C3orf33: variants seen among roughly 807,000 people sequenced by gnomAD.
The protein encoded by C3orf33 is mitochondrial inner membrane subdomain organizer 1, also known as AP-1 activity suppressor.
Under a neutral mutation model 28.7 loss-of-function variants are expected in C3orf33, and 23 were observed. The ratio of observed to expected loss-of-function variants is 0.80; its 90% CI spans 0.58 to 1.13. The LOEUF (loss-of-function observed/expected upper bound fraction) is 1.13. Among genes scored for constraint, C3orf33 ranks in the 50% most tolerant of loss-of-function variants. The probability of loss-of-function intolerance (pLI) is 0.00; values close to 1 mark genes in which losing one functional copy is unlikely to be tolerated. For synonymous variants in C3orf33, 119 were observed against 120.5 expected, an observed-to-expected ratio of 0.99 and a Z score of 0.08; for missense variants, 327 against 353.4, an observed-to-expected ratio of 0.93 and a Z score of 0.60.
In C3orf33 at chr3:155,767,523, G is replaced by C. The variant is rs988606922; in HGVS notation, c.469C>G (p.Leu157Val). Residue 157 changes from leucine (L) to valine (V), a missense_variant, in exon 4 of 5, where the codon CTT becomes GTT. By Grantham distance (32) the Leu-to-Val change is conservative. Transcript: ENST00000340171. Reference sequence around the variant, plus strand: ...ACATTGCTTACCTTACTCACCAGAAGATAGCAAAAGAGTGCTGAATTCTCC... The same window carrying C: ...ACATTGCTTACCTTACTCACCAGAACATAGCAAAAGAGTGCTGAATTCTCC... ...GKENSALFCY[L>V]LVSKGGYFSV... 1 of 1,565,296 alleles carries C rather than the reference G, an allele frequency of 6.4e-7. No homozygotes were observed. Among genetic ancestry groups the C allele is most frequent in the Non-Finnish European group, 8.7e-7 (1 of 1,150,012 alleles).
intron 2 of C3orf33, among the ~76,000 whole-genome samples, chr3:155,789,032 A>G (rs1313081329): frequency 6.6e-6 from 1 of 152,142 alleles, no homozygotes; most frequent in African/African-American, 2.4e-5. Context: ...ACAACAAACA[A>G]TCTGAAAAGG....
intron 2 of C3orf33, among the ~76,000 whole-genome samples, chr3:155,791,631 T>C (rs1013009167): frequency 6.6e-6 from 1 of 151,934 alleles, no homozygotes; most frequent in Admixed American, 6.6e-5. Context: ...CTGGCAGCAT[T>C]CACTACAAGC....
intron 2 of C3orf33, among the ~76,000 whole-genome samples, chr3:155,793,787 G>T: frequency 9.1e-6 from 1 of 110,318 alleles, no homozygotes; most frequent in African/African-American, 3.2e-5. Context: ...TCCACCCTGG[G>T]AGACAGAGTG....
At chr3:155,798,961 G>A (rs890809333) in intron 2 of C3orf33, among the ~76,000 whole-genome samples, 1 of 152,088 alleles carries the variant, frequency 6.6e-6, no homozygotes, top group African/African-American at 2.4e-5. Flanking sequence ...AAATGGTCAC[G>A]AGATGTCAAT....
chr3:155,775,254 C>T (rs1750704784), intron 3 of C3orf33, among the ~76,000 whole-genome samples: 1 of 152,096 alleles, frequency 6.6e-6, no homozygotes, highest in Non-Finnish European at 1.5e-5. Flanking sequence ...CTTTTGGAGG[C>T]CGAGGTGGGC....
intron 4 of C3orf33, among the ~76,000 whole-genome samples, chr3:155,765,132 G>A (rs778522308): frequency 9.2e-5 from 14 of 152,178 alleles, no homozygotes; most frequent in African/African-American, 3.4e-4. Context: ...TATGTGTATA[G>A]CATAGTTTGG....
chr3:155,770,190 C>T (rs1412896758), intron 3 of C3orf33, among the ~76,000 whole-genome samples: 1 of 152,150 alleles, frequency 6.6e-6, no homozygotes, highest in East Asian at 1.9e-4. Flanking sequence ...GCCTTGCTCA[C>T]CCACCAGTGA....
intron 3 of C3orf33, among the ~76,000 whole-genome samples, chr3:155,774,229 G>A (rs755465020): frequency 1.7e-4 from 26 of 152,190 alleles, no homozygotes; most frequent in Non-Finnish European, 2.9e-4. Flanking sequence ...GGGGCTCACA[G>A]TTCAGTAAGG....
chr3:155,780,328 G>T lies in C3orf33; in HGVS notation c.175-4480C>A, dbSNP rs533402717. Among the ~76,000 whole-genome samples, 92 of 152,262 alleles carry T rather than the reference G, an allele frequency of 6.0e-4. 1 individual carries two copies. The highest frequency in any genetic ancestry group is 5.3e-4 in the Non-Finnish European group (36 of 68,022). ...CCTGGTAAAGACAAAGAAAATAAGG[G>T]TTTCAAATTCAAGACATAAATTTGA... On this transcript the variant is annotated intron_variant, in intron 2 of 4. Transcript: ENST00000340171.
intron 2 of C3orf33, among the ~76,000 whole-genome samples, chr3:155,782,744 A>C (rs1750964680): frequency 6.6e-6 from 1 of 152,220 alleles, no homozygotes; most frequent in South Asian, 2.1e-4. Flanking sequence ...AGAAATGCTA[A>C]AACTAGTGCT....
At chr3:155,778,141 CAAAAAAAAAAAA>C (rs55700532) in intron 2 of C3orf33, among the ~76,000 whole-genome samples, 3 of 75,768 alleles carry the variant, frequency 4.0e-5, no homozygotes, top group South Asian at 6.3e-4. Flanking sequence ...AACTCCATTT[CAAAAAAAAAAAA>C]AAAAAAAAAA....
intron 3 of C3orf33, among the ~76,000 whole-genome samples, chr3:155,774,441 G>T (rs1019667742): frequency 6.6e-6 from 1 of 152,092 alleles, no homozygotes; most frequent in Non-Finnish European, 1.5e-5. Context: ...TCCAAGCAAA[G>T]AACCAGGCCC....
chr3:155,802,606 T>A lies in C3orf33; in HGVS notation c.115-15A>T. On this transcript the variant is annotated splice_polypyrimidine_tract_variant and intron_variant, in intron 1 of 4. Coordinates refer to ENST00000340171, the MANE Select transcript of C3orf33 (RefSeq NM_001308229.2). ...GTGCTGATGTTCTACAGAAAGAGAT[T>A]TAAGGGTTAACCCTCACTAATTATT... The A allele has an allele frequency of 6.3e-7, 1 of 1,582,854 alleles. No individual in the cohort carries two copies. The highest frequency in any genetic ancestry group is 2.3e-5 in the East Asian group (1 of 43,834).
chr3:155,783,416 A>C (rs542426490), intron 2 of C3orf33, among the ~76,000 whole-genome samples: 1 of 150,698 alleles, frequency 6.6e-6, no homozygotes, highest in South Asian at 2.1e-4. Context: ...CATCCACCCA[A>C]AGGGTTGGGA....
At chr3:155,797,134 G>A (rs73159026) in intron 2 of C3orf33, among the ~76,000 whole-genome samples, 15,122 of 152,094 alleles carry the variant, frequency 0.099, 1,005 homozygotes, top group Middle Eastern at 0.17. Flanking sequence ...TGCAGTAGCC[G>A]GGGTCACACC....
At chr3:155,787,715 T>C (rs1751171162) in intron 2 of C3orf33, among the ~76,000 whole-genome samples, 1 of 150,788 alleles carries the variant, frequency 6.6e-6, no homozygotes, top group South Asian at 2.1e-4. Context: ...GGTCTCTCTA[T>C]GTTGCCCAAG....
rs188655319 is a variant in C3orf33, at chr3:155,771,255, G to A, written c.323-3586C>T. Among the ~76,000 whole-genome samples the A allele has an allele frequency of 4.6e-3, 703 of 152,072 alleles. 10 individuals are homozygous for A. The highest frequency in any genetic ancestry group is 0.016 in the African/African-American group (657 of 41,502). On this transcript the variant is annotated intron_variant, in intron 3 of 4. Coordinates refer to ENST00000340171, the MANE Select transcript of C3orf33 (RefSeq NM_001308229.2). ...CAAGTAACCAGGGCAACAGGCACAC[G>A]CCATCGGGCCCAGCTAATTTTGTTG... is the stretch of plus-strand genomic sequence containing the variant.
At chr3:155,790,072 G>A (rs1271836864) in intron 2 of C3orf33, among the ~76,000 whole-genome samples, 6 of 146,658 alleles carry the variant, frequency 4.1e-5, no homozygotes, top group Admixed American at 7.1e-5. Context: ...GCTGAGGCAT[G>A]AGAATCACTT....
chr3:155,790,227 G>GAAAAA (rs796923838), intron 2 of C3orf33, among the ~76,000 whole-genome samples: 36 of 65,780 alleles, frequency 5.5e-4, no homozygotes, highest in Non-Finnish European at 9.9e-4. Context: ...ATGCAAAAAA[G>GAAAAA]AAAAAAAAAA....
Sources: allele counts gnomAD v4.1 joint callset (sites outside exome capture counted in the v4.1 genomes callset), GRCh38; gene constraint gnomAD v4.1.1; transcripts MANE v1.5; gene names NCBI Gene and HGNC (gene_info 2026-07-23, HGNC 2026-07-21).